Variants in COL6A5 observed in about 807,000 individuals in gnomAD.
COL6A5 encodes the protein collagen alpha-5(VI) chain.
A neutral mutation model predicts 65.6 loss-of-function variants in COL6A5; 48 were observed. That is an observed-to-expected ratio of 0.73 (90% CI 0.58 to 0.93). COL6A5 has a LOEUF of 0.93. Among genes scored for constraint, COL6A5 ranks in the 40% least tolerant of loss-of-function variants. COL6A5 has a pLI of 0.00. For missense variants in COL6A5, 914 were observed against 928.3 expected (o/e 0.98, Z 0.20); for synonymous variants, 291 against 322.8 (o/e 0.90, Z 1.05).
At chr3:130,429,512 TGAAC>T, upstream of COL6A5, 2 of 1,454,526 alleles carry the variant, frequency 1.4e-6, no homozygotes, top group Non-Finnish European at 1.9e-6. Flanking sequence ...TGTTGTTTTT[TGAAC>T]TATTTTTAGT....
chr3:130,415,804 A>G (rs932563269), intron 23 of COL6A5, 97 bp downstream of exon 23: 21 of 1,012,544 alleles, frequency 2.1e-5, no homozygotes, highest in Non-Finnish European at 2.7e-5. Context: ...TATTATTTAC[A>G]TATATATTAT....
chr3:130,388,743 A>G (rs758871954), exon 6 of COL6A5: 1 of 1,551,278 alleles, frequency 6.4e-7, no homozygotes, highest in African/African-American at 1.4e-5. Context: ...TCAGTGATAA[A>G]ACTAAGGAAG....
chr3:130,380,785 TG>T (rs1935969780), intron 4 of COL6A5, among the ~76,000 whole-genome samples: 1 of 152,126 alleles, frequency 6.6e-6, no homozygotes, highest in Non-Finnish European at 1.5e-5. Context: ...CAACTATATT[TG>T]GGTGTGACCA....
intron 5 of COL6A5, among the ~76,000 whole-genome samples, chr3:130,461,269 G>C (rs1462943486): frequency 6.6e-6 from 1 of 151,936 alleles, no homozygotes; most frequent in Admixed American, 6.6e-5. Flanking sequence ...GCATGCTTTG[G>C]GGGGATCAAT....
At chr3:130,439,473 G>C (rs931362707) in intron 1 of COL6A5, 49 bp from the exon 34 acceptor site, 6 of 1,392,200 alleles carry the variant, frequency 4.3e-6, no homozygotes, top group Non-Finnish European at 6.0e-6. Flanking sequence ...TTTCCTACTA[G>C]TGACTAAAAA....
chr3:130,429,588 A>G, upstream of COL6A5: 1 of 1,547,230 alleles, frequency 6.5e-7, no homozygotes, highest in Non-Finnish European at 8.7e-7. Flanking sequence ...TGGAAAGGTG[A>G]GTATTCTTAC....
chr3:130,423,160 A>T (rs1018591669), intron 28 of COL6A5, among the ~76,000 whole-genome samples: 1 of 152,052 alleles, frequency 6.6e-6, no homozygotes, highest in Admixed American at 6.6e-5. Flanking sequence ...TGTCCTTCCC[A>T]CTGTGTCCCT....
At chr3:130,399,606 C>CATGATCAGG (rs1382569158) in intron 10 of COL6A5, among the ~76,000 whole-genome samples, 1 of 152,012 alleles carries the variant, frequency 6.6e-6, no homozygotes, top group Admixed American at 6.6e-5. Context: ...CTCCTGACCT[C>CATGATCAGG]ATGATCCGCC....
At chr3:130,386,196 A>G (rs1164222114) in intron 5 of COL6A5, among the ~76,000 whole-genome samples, 2 of 152,100 alleles carry the variant, frequency 1.3e-5, no homozygotes, top group Non-Finnish European at 2.9e-5. Context: ...GTCAGAGTCA[A>G]GGTTCATACC....
intron 4 of COL6A5, 113 bp downstream of exon 36, chr3:130,443,679 C>G: frequency 3.7e-6 from 2 of 545,566 alleles, no homozygotes; most frequent in Non-Finnish European, 6.5e-6. Context: ...CTGAAGTAGA[C>G]ATTTTATGTA....
At chr3:130,397,754 C>T (rs557597562) in exon 9 of COL6A5, 18 of 1,551,498 alleles carry the variant, frequency 1.2e-5, no homozygotes, top group Admixed American at 3.9e-5. Flanking sequence ...GTGAGCTTGG[C>T]GTTTAAGGTG....
At chr3:130,418,963 G>T (rs1287720845) in intron 25 of COL6A5, 32 bp downstream of exon 25, 2 of 1,534,918 alleles carry the variant, frequency 1.3e-6, no homozygotes, top group Non-Finnish European at 1.8e-6. Context: ...ACCCTCCCCA[G>T]ATCTGGGTAT....
chr3:130,481,889 G>A (rs562896652), intron 7 of COL6A5, among the ~76,000 whole-genome samples: 1 of 151,972 alleles, frequency 6.6e-6, no homozygotes, highest in Admixed American at 6.6e-5. Flanking sequence ...CTTTTTAATG[G>A]GGTTGTTTTT....
At position 130,401,753 on chromosome 3, in the gene COL6A5, T is replaced by G; in HGVS notation, c.4135-9T>G. 6.5e-7 allele frequency: 1 copy of G among 1,548,226 alleles called. No homozygotes were observed. The highest frequency in any genetic ancestry group is 8.7e-7 in the Non-Finnish European group (1 of 1,143,862). On this transcript the variant is annotated splice_polypyrimidine_tract_variant and intron_variant and NMD_transcript_variant, in intron 11 of 41. Transcript: ENST00000312481. ...TGCTATTCCCTCAGCTTTACTTTTT[T>G]TCCCCCAGGGAAATATTGCAGAGAG...
At position 130,388,573 on chromosome 3, in the gene COL6A5, C is replaced by A. The variant is rs904398906; in HGVS notation, c.1862-7C>A. On this transcript the variant is annotated splice_region_variant and splice_polypyrimidine_tract_variant and intron_variant and NMD_transcript_variant, in intron 5 of 41. Transcript: ENST00000312481. Reference sequence around the variant, plus strand: ...TTATTTCTGGTCTTTTTTTTTATAACATGCAGGATGTGAAGACATGAAGGC... The same window carrying A: ...TTATTTCTGGTCTTTTTTTTTATAAAATGCAGGATGTGAAGACATGAAGGC... The A allele has an allele frequency of 3.9e-5, 59 of 1,504,162 alleles. No individual in the cohort carries two copies. Among genetic ancestry groups the A allele is most frequent in the Non-Finnish European group, 4.5e-5 (51 of 1,127,724 alleles). 93.2% of individuals were successfully genotyped at this position (1,504,162 alleles called of 1,614,324 possible). A position where few individuals can be genotyped will look rare whatever the true frequency, so the allele number is the denominator to read the frequency against.
At chr3:130,445,138 G>A (rs995543544) in intron 4 of COL6A5, among the ~76,000 whole-genome samples, 8 of 152,230 alleles carry the variant, frequency 5.3e-5, no homozygotes, top group African/African-American at 1.4e-4. Context: ...ATGGATTGGT[G>A]TAATGCCATT....
chr3:130,399,268 C>A (rs1936722462), intron 10 of COL6A5, among the ~76,000 whole-genome samples: 1 of 152,072 alleles, frequency 6.6e-6, no homozygotes, highest in Non-Finnish European at 1.5e-5. Flanking sequence ...CCTTCAATAC[C>A]TTCTCATTGT....
In COL6A5 at chr3:130,381,516, A is replaced by C. The variant is rs375116253; in HGVS notation, c.1300+1466A>C. Among the ~76,000 whole-genome samples, 301 of 151,942 alleles carry C rather than the reference A, an allele frequency of 2.0e-3. 2 individuals are homozygous for C. The highest frequency in any genetic ancestry group is 2.5e-3 in the Non-Finnish European group (168 of 67,918). ...ATTTTCTGACATTTAAATCCTGTCT[A>C]TTTTTTTCTTCTATCATTCCAGTGA... On this transcript the variant is annotated intron_variant and NMD_transcript_variant, in intron 4 of 41. Coordinates refer to the COL6A5 transcript ENST00000312481.
intron 25 of COL6A5, 79 bp downstream of exon 25, chr3:130,419,010 A>AT: frequency 8.6e-7 from 1 of 1,160,860 alleles, no homozygotes; most frequent in Non-Finnish European, 1.3e-6. Context: ...TGACACCTTC[A>AT]GCCCAATTAT....
Sources: gnomAD v4.1 joint callset for allele counts (sites outside exome capture counted in the v4.1 genomes callset) on GRCh38, gnomAD v4.1.1 for gene constraint, MANE v1.5 for transcripts, NCBI Gene and HGNC (gene_info 2026-07-23, HGNC 2026-07-21) for gene names.